SUPT20H: variants seen among roughly 807,000 people sequenced by gnomAD.
SUPT20H encodes the protein SPT20 homolog, SAGA complex component, also known as transcription factor SPT20 homolog.
SUPT20H carries 82 observed loss-of-function variants against 122.8 expected under a neutral mutation model. That is an observed-to-expected ratio of 0.67 (90% CI 0.56 to 0.80). The LOEUF (loss-of-function observed/expected upper bound fraction) is 0.80, where lower values mean the gene tolerates loss of function less well. Among genes scored for constraint, SUPT20H ranks in the 30% least tolerant of loss-of-function variants. The pLI, the probability that SUPT20H is intolerant of heterozygous loss-of-function variation, is 0.00. For synonymous variants in SUPT20H, 291 were observed against 313.0 expected (o/e 0.93, Z 0.74); for missense variants, 831 against 921.6 (o/e 0.90, Z 1.27).
At chr13:37,041,332 A>G (rs1184872228) in intron 7 of SUPT20H, among the ~76,000 whole-genome samples, 1 of 152,064 alleles carries the variant, frequency 6.6e-6, no homozygotes, top group African/African-American at 2.4e-5. Flanking sequence ...CCTGGCTAAC[A>G]TGGTGAAACT....
chr13:37,048,740 A>T, intron 2 of SUPT20H, 141 bp from the exon 3 acceptor site: 1 of 600,350 alleles, frequency 1.7e-6, no homozygotes. Context: ...CTCTATGATC[A>T]ATATATATAT....
At chr13:37,014,664 C>T (rs2060133962) in intron 23 of SUPT20H, among the ~76,000 whole-genome samples, 1 of 152,078 alleles carries the variant, frequency 6.6e-6, no homozygotes, top group East Asian at 1.9e-4. Context: ...AATGAAGGCA[C>T]AGCATATCAA....
At position 37,021,477 on chromosome 13, in the gene SUPT20H, G is replaced by C. The variant is rs1179600696; in HGVS notation, c.1787C>G (p.Pro596Arg). The C allele has an allele frequency of 6.2e-7, 1 of 1,613,788 alleles. No homozygotes were observed. The highest frequency in any genetic ancestry group is 2.2e-5 in the East Asian group (1 of 44,866). ...TTGAGAAGCTGCCTGCATTGCACTG[G>C]GCAGTGCATTTGGTAGCAGACCTCC... is the stretch of plus-strand genomic sequence containing the variant. Reference protein sequence around the residue: ...PSGGLLPNALPSAMQAASQAG... With the variant: ...PSGGLLPNALRSAMQAASQAG... Residue 596 changes from proline (P) to arginine (R), a missense_variant, in exon 21 of 26, where the codon CCC becomes CGC. Physicochemically the swap from Pro to Arg is moderately radical, Grantham distance 103 (BLOSUM62 -2). Coordinates refer to ENST00000350612, the MANE Select transcript of SUPT20H (RefSeq NM_001014286.3).
intron 2 of SUPT20H, among the ~76,000 whole-genome samples, chr13:37,051,108 A>G (rs1594537131): frequency 1.3e-5 from 2 of 152,314 alleles, no homozygotes; most frequent in East Asian, 3.9e-4. Flanking sequence ...AGCAGGTTAC[A>G]TTTGTTTTTA....
rs769272648 is a variant in SUPT20H, at chr13:37,021,574, T to A, written c.1690A>T (p.Asn564Tyr). The A allele has an allele frequency of 3.7e-6, 6 of 1,613,282 alleles. No individual in the cohort carries two copies. The highest frequency in any genetic ancestry group is 5.1e-6 in the Non-Finnish European group (6 of 1,179,902). ...CGAQALMSGS[N>Y]PMLGCNTGAI... ...CCAGTGTTACAGCCCAGCATGGGGT[T>A]TGAACCACTCATCAAAGCCTGGGCC... The change falls in exon 21 of 26, where the codon AAC becomes TAC. Residue 564 changes from asparagine to tyrosine, a missense_variant. By Grantham distance (143) the Asn-to-Tyr change is moderately radical (BLOSUM62 -2). Coordinates refer to ENST00000350612, the MANE Select transcript of SUPT20H (RefSeq NM_001014286.3).
chr13:37,019,290 A>G, intron 22 of SUPT20H, 52 bp downstream of exon 22: 1 of 1,403,272 alleles, frequency 7.1e-7, no homozygotes. Flanking sequence ...CATTGTTTAG[A>G]AAAAAAGTCA....
intron 13 of SUPT20H, 105 bp from the exon 14 acceptor site, chr13:37,028,410 A>T: frequency 2.9e-6 from 3 of 1,025,896 alleles, no homozygotes; most frequent in Non-Finnish European, 4.2e-6. Flanking sequence ...ATCTGACGAT[A>T]GGAAGACACA....
At chr13:37,021,412 A>AT (rs769306422) in intron 21 of SUPT20H, 36 bp downstream of exon 21, 24 of 1,545,754 alleles carry the variant, frequency 1.6e-5, no homozygotes, top group Admixed American at 3.9e-5. Flanking sequence ...ATATACTTTA[A>AT]TTTTTTTTAG....
chr13:37,040,701 G>A lies in SUPT20H; in HGVS notation c.397-9C>T. The stretch of plus-strand genomic sequence containing the variant: ...CAATGAAAAATATTAACCTGTTTGG[G>A]CAAAAATACGTAAACGTCATTTTTT... On this transcript the variant is annotated splice_polypyrimidine_tract_variant and intron_variant, in intron 7 of 25. Coordinates refer to ENST00000350612, the MANE Select transcript of SUPT20H (RefSeq NM_001014286.3). The A allele has an allele frequency of 1.2e-6, 2 of 1,601,234 alleles. No individual in the cohort carries two copies. Among genetic ancestry groups the A allele is most frequent in the South Asian group, 1.1e-5 (1 of 88,980 alleles).
At chr13:37,035,581 C>T (rs868079294) in intron 9 of SUPT20H, among the ~76,000 whole-genome samples, 2 of 151,112 alleles carry the variant, frequency 1.3e-5, no homozygotes, top group African/African-American at 2.4e-5. Context: ...AGTGCAATGG[C>T]GTGATCCAGG....
intron 21 of SUPT20H, among the ~76,000 whole-genome samples, chr13:37,020,394 A>T (rs1209725124): frequency 6.6e-6 from 1 of 152,152 alleles, no homozygotes; most frequent in Non-Finnish European, 1.5e-5. Context: ...GCACTTTCAT[A>T]CTTCATTTAG....
intron 6 of SUPT20H, 78 bp downstream of exon 6, chr13:37,045,169 T>TA: frequency 2.5e-6 from 4 of 1,586,580 alleles, no homozygotes; most frequent in Non-Finnish European, 3.4e-6. Flanking sequence ...TTTAGCAGGT[T>TA]AAAAAACTAC....
rs2062692012 is a variant in SUPT20H, at chr13:37,028,380, T to TAAATG, written c.994-80_994-76dup. 4 of 1,341,600 alleles carry TAAATG rather than the reference T, an allele frequency of 3.0e-6. No homozygotes were observed. The Admixed American group carries it at 8.6e-5, about 29-fold the overall frequency. The allele number at this position is 1,341,600 out of a possible 1,614,324, so 83.1% of individuals were successfully genotyped here. On this transcript the variant is annotated intron_variant, in intron 13 of 25. Coordinates refer to ENST00000350612, the MANE Select transcript of SUPT20H (RefSeq NM_001014286.3). ...AATAAGAATTAGTAAAAATCAGGAATAAATGATACAGTAACATGTATCTGA... is the reference window on the plus strand; with the variant it reads ...AATAAGAATTAGTAAAAATCAGGAATAAATGAAATGATACAGTAACATGTATCTGA...
At chr13:37,017,109 G>T in intron 23 of SUPT20H, 136 bp downstream of exon 23, 2 of 1,221,576 alleles carry the variant, frequency 1.6e-6, no homozygotes, top group Non-Finnish European at 2.4e-6. Context: ...ACACCCAATA[G>T]CTGATTGCTA....
chr13:37,045,214 AT>A (rs1254122176), intron 6 of SUPT20H, 32 bp downstream of exon 6: 1 of 1,607,540 alleles, frequency 6.2e-7, no homozygotes, highest in South Asian at 1.1e-5. Context: ...TAGCAAAAGT[AT>A]TTTGTGGCAG....
chr13:37,014,827 T>G (rs923940131), intron 23 of SUPT20H, among the ~76,000 whole-genome samples: 6 of 152,112 alleles, frequency 3.9e-5, no homozygotes, highest in African/African-American at 9.7e-5. Context: ...AATAAAGAAG[T>G]GACTCTACAC....
intron 1 of SUPT20H, among the ~76,000 whole-genome samples, chr13:37,053,775 A>G (rs2068284702): frequency 6.6e-6 from 1 of 152,184 alleles, no homozygotes; most frequent in Non-Finnish European, 1.5e-5. Context: ...CCTTGGGTAC[A>G]TATGTTTCTA....
chr13:37,051,455 A>C, intron 2 of SUPT20H, 33 bp downstream of exon 2: 1 of 1,598,008 alleles, frequency 6.3e-7, no homozygotes, highest in Non-Finnish European at 8.6e-7. Flanking sequence ...ACATTCTAAA[A>C]CACAAATTTG....
chr13:37,029,733 AT>A (rs2062970087), intron 13 of SUPT20H, 31 bp downstream of exon 13: 1 of 1,581,520 alleles, frequency 6.3e-7, no homozygotes, highest in Non-Finnish European at 8.6e-7. Flanking sequence ...AAATGGCATA[AT>A]TAGAAACAGA....
Sources: allele counts gnomAD v4.1 joint callset (sites outside exome capture counted in the v4.1 genomes callset), GRCh38; gene constraint gnomAD v4.1.1; transcripts MANE v1.5; gene names NCBI Gene and HGNC (gene_info 2026-07-23, HGNC 2026-07-21).